Variants in ACOT7 observed in about 807,000 individuals in gnomAD.
The protein encoded by ACOT7 is cytosolic acyl coenzyme A thioester hydrolase.
A neutral mutation model predicts 40.2 loss-of-function variants in ACOT7; 12 were observed. That is an observed-to-expected ratio of 0.30 (90% CI 0.19 to 0.48). The LOEUF is 0.48. Among genes scored for constraint, ACOT7 ranks in the 20% least tolerant of loss-of-function variants. The pLI is 0.99. For synonymous variants in ACOT7, 228 were observed against 219.5 expected, an observed-to-expected ratio of 1.04 and a Z score of -0.34; for missense variants, 395 against 530.8, an observed-to-expected ratio of 0.74 and a Z score of 2.51.
At chr1:6,286,084 G>T (rs1639495484) in intron 7 of ACOT7, among the ~76,000 whole-genome samples, 1 of 152,210 alleles carries the variant, frequency 6.6e-6, no homozygotes, top group Non-Finnish European at 1.5e-5. Flanking sequence ...AGGGCTCTGT[G>T]GGGTCAAAAA....
Position 6,306,485 on chromosome 1 carries a change from CA to C in ACOT7, c.713-11506del. 1.0e-6 allele frequency: 1 copy of C among 985,304 alleles called. No individual in the cohort carries two copies. The highest frequency in any genetic ancestry group is 6.1e-5 in the Admixed American group (1 of 16,270). The allele number at this position is 985,304 out of a possible 1,614,324, so 61.0% of individuals were successfully genotyped here. A position where few individuals can be genotyped will look rare whatever the true frequency, so the allele number is the denominator to read the frequency against. Reference sequence around the variant, plus strand: ...CATCTCGGGGTTCAAGGTTCAAGTTCACCAGTCCCCACGTCCCGCTCCCCCG... The same window carrying C: ...CATCTCGGGGTTCAAGGTTCAAGTTCCCAGTCCCCACGTCCCGCTCCCCCG... On this transcript the variant is annotated intron_variant, in intron 6 of 8. Transcript: ENST00000361521. This position sits in a 1 kb window ranked among gnomAD's most constrained non-coding sequence, Gnocchi z 4.3.
intron 7 of ACOT7, among the ~76,000 whole-genome samples, chr1:6,290,693 C>T (rs1475904371): frequency 6.6e-6 from 1 of 152,230 alleles, no homozygotes; most frequent in Non-Finnish European, 1.5e-5. Flanking sequence ...CCTTCTGGGG[C>T]TTATGGAGGA....
At chr1:6,332,937 A>T (rs1641001089) in intron 4 of ACOT7, among the ~76,000 whole-genome samples, 1 of 152,226 alleles carries the variant, frequency 6.6e-6, no homozygotes, top group Admixed American at 6.5e-5. Flanking sequence ...CCAGCAGGGG[A>T]CAAGAAGGGA....
At chr1:6,365,695 G>A (rs1170764721) in intron 1 of ACOT7, among the ~76,000 whole-genome samples, 2 of 151,302 alleles carry the variant, frequency 1.3e-5, no homozygotes, top group African/African-American at 4.9e-5. Flanking sequence ...GTAAACCCGG[G>A]AGGCGGAGCT....
At chr1:6,329,244 T>C (rs1008477925) in intron 4 of ACOT7, among the ~76,000 whole-genome samples, 1 of 152,236 alleles carries the variant, frequency 6.6e-6, no homozygotes, top group African/African-American at 2.4e-5. Context: ...CTACCCATCA[T>C]CTTCAGTTGA....
chr1:6,337,046 C>T (rs1227016054), intron 3 of ACOT7, among the ~76,000 whole-genome samples: 3 of 152,214 alleles, frequency 2.0e-5, no homozygotes, highest in Non-Finnish European at 2.9e-5. Context: ...CCTGGGGCAC[C>T]GCCCAGCCCC....
rs923978695 is a variant in ACOT7, at chr1:6,327,339, C to G, written c.585G>C (p.Lys195Asn). Residue 195 changes from lysine to asparagine, a missense_variant, in exon 5 of 9, where the codon AAG becomes AAC. By Grantham distance (94) the Lys-to-Asn change is moderately conservative (BLOSUM62 0). Around this residue, in one of 2 missense-constraint regions of ACOT7, gnomAD observed 309 missense variants for 470.3 expected, o/e 0.66. Transcript: ENST00000361521. ...EAQKLERMET[K>N]WRNGDIVQPV... ...GCTGGACGATGTCCCCGTTCCTCCA[C>G]TTGGTCTCCATGCGCTCCAGCTTCT... 1 of 1,614,126 alleles carries G rather than the reference C, an allele frequency of 6.2e-7. No homozygotes were observed. The highest frequency in any genetic ancestry group is 8.5e-7 in the Non-Finnish European group (1 of 1,180,048).
chr1:6,265,209 C>T (rs846105), intron 8 of ACOT7, among the ~76,000 whole-genome samples: 76 of 152,122 alleles, frequency 5.0e-4, no homozygotes, highest in Non-Finnish European at 8.8e-4. Flanking sequence ...GTCACCACCC[C>T]GCAGAGAAGT....
At chr1:6,326,535 T>C (rs1335043781) in intron 5 of ACOT7, among the ~76,000 whole-genome samples, 1 of 152,190 alleles carries the variant, frequency 6.6e-6, no homozygotes, top group African/African-American at 2.4e-5. Flanking sequence ...GAGCCCCTCC[T>C]CCAATCAATG....
chr1:6,380,239 T>C (rs993680395), intron 1 of ACOT7, among the ~76,000 whole-genome samples: 8 of 151,572 alleles, frequency 5.3e-5, no homozygotes, highest in Admixed American at 1.3e-4. Flanking sequence ...TAAGAATCAA[T>C]AGAACAGAGA....
At chr1:6,273,289 T>C (rs1194586506) in intron 8 of ACOT7, among the ~76,000 whole-genome samples, 2 of 152,196 alleles carry the variant, frequency 1.3e-5, no homozygotes, top group Non-Finnish European at 1.5e-5. Flanking sequence ...GAGGGCTACA[T>C]GCTCTCATCT....
chr1:6,292,967 G>A (rs1271274013), intron 7 of ACOT7, among the ~76,000 whole-genome samples: 2 of 145,776 alleles, frequency 1.4e-5, no homozygotes, highest in Non-Finnish European at 3.0e-5. Flanking sequence ...TCGGCTCACT[G>A]CAAGCTCCAC....
chr1:6,292,889 CT>C lies in ACOT7; in HGVS notation c.829+1974del, dbSNP rs973103642. 9.3e-3 allele frequency among the ~76,000 whole-genome samples: 1,159 copies of C among 125,064 alleles called. 5 individuals carry two copies. Among genetic ancestry groups the C allele is most frequent in the African/African-American group, 0.032 (1,030 of 32,488 alleles). 82.0% of individuals were successfully genotyped at this position (125,064 alleles called of 152,430 possible). Reference sequence around the variant, plus strand: ...TTCGCTGGAAAGTCTATTTCTTTTTCTTTTTTTTTTTTTTTTTTGAGACGGA... The same window carrying C: ...TTCGCTGGAAAGTCTATTTCTTTTTCTTTTTTTTTTTTTTTTTGAGACGGA... On this transcript the variant is annotated intron_variant, in intron 7 of 8. Coordinates refer to ENST00000361521, the MANE Select transcript of ACOT7 (RefSeq NM_007274.4).
At chr1:6,300,629 G>A (rs1373536085) in intron 6 of ACOT7, among the ~76,000 whole-genome samples, 26 of 130,870 alleles carry the variant, frequency 2.0e-4, no homozygotes, top group African/African-American at 5.4e-4. Flanking sequence ...ATCCTGACGC[G>A]TGGCCGGCCT....
intron 5 of ACOT7, 32 bp from the exon 6 acceptor site, chr1:6,318,610 G>T: frequency 6.2e-7 from 1 of 1,606,346 alleles, no homozygotes; most frequent in South Asian, 1.1e-5. Flanking sequence ...ATTAGTTATG[G>T]GGTAGGCTGA....
In ACOT7 at chr1:6,367,254, C is replaced by T. The variant is rs760761005; in HGVS notation, c.144-17388G>A. On this transcript the variant is annotated intron_variant, in intron 1 of 8. Coordinates refer to ENST00000361521, the MANE Select transcript of ACOT7 (RefSeq NM_007274.4). ...CTTAAAACCTATGTTGTTTTATCAA[C>T]TAAGTTTATGGAATATTCTAAATCC... 4.6e-5 allele frequency among the ~76,000 whole-genome samples: 7 copies of T among 151,416 alleles called. No individual in the cohort carries two copies. In the South Asian group the frequency reaches 6.2e-4, roughly 13 times the overall value.
chr1:6,298,343 C>T (rs1021351235), intron 6 of ACOT7, among the ~76,000 whole-genome samples: 1 of 152,130 alleles, frequency 6.6e-6, no homozygotes, highest in Non-Finnish European at 1.5e-5. Flanking sequence ...CCATGTTGAC[C>T]AGGCTGGTCT....
At chr1:6,349,622 C>T (rs1424017762) in intron 2 of ACOT7, 127 bp downstream of exon 2, 20 of 929,644 alleles carry the variant, frequency 2.2e-5, no homozygotes. Context: ...CCACTTCTCC[C>T]ACAGTTCCCA....
intron 2 of ACOT7, among the ~76,000 whole-genome samples, chr1:6,348,342 A>C (rs775457778): frequency 6.6e-6 from 1 of 152,108 alleles, no homozygotes; most frequent in Non-Finnish European, 1.5e-5. Flanking sequence ...AGATACACAC[A>C]CACACACACG....
Sources: allele counts gnomAD v4.1 joint callset (sites outside exome capture counted in the v4.1 genomes callset), GRCh38; gene constraint gnomAD v4.1.1; regional missense constraint gnomAD v4.1.1; non-coding constraint Gnocchi (gnomAD v3.1); transcripts MANE v1.5; gene names NCBI Gene and HGNC (gene_info 2026-07-23, HGNC 2026-07-21).